TNR: variants seen among roughly 807,000 people sequenced by gnomAD.
TNR encodes the protein tenascin R.
TNR carries 45 observed loss-of-function variants against 150.4 expected under a neutral mutation model. The observed-to-expected ratio is 0.30, with a 90% confidence interval of 0.24 to 0.38. The LOEUF is 0.38. Among genes scored for constraint, TNR ranks in the 10% least tolerant of loss-of-function variants. The pLI is 1.00. For missense variants in TNR, 1,544 were observed against 1,759.1 expected, an observed-to-expected ratio of 0.88 and a Z score of 2.19; for synonymous variants, 687 against 678.4, an observed-to-expected ratio of 1.01 and a Z score of -0.20.
intron 2 of TNR, among the ~76,000 whole-genome samples, chr1:175,414,597 G>T (rs1571406456): frequency 6.6e-6 from 1 of 152,144 alleles, no homozygotes; most frequent in Non-Finnish European, 1.5e-5. Flanking sequence ...GGTGTCTCCG[G>T]GTAATTTGTA....
At chr1:175,535,005 T>C (rs1486784239) in intron 1 of TNR, among the ~76,000 whole-genome samples, 2 of 152,208 alleles carry the variant, frequency 1.3e-5, no homozygotes, top group East Asian at 1.9e-4. Flanking sequence ...CCTTCCACCA[T>C]GATTGTAAGT....
At chr1:175,372,541 C>T (rs147411508) in intron 9 of TNR, among the ~76,000 whole-genome samples, 318 of 152,302 alleles carry the variant, frequency 2.1e-3, no homozygotes, top group Non-Finnish European at 3.6e-3. Context: ...TTAATTAGGG[C>T]TAGAAAGGAA....
In TNR at chr1:175,677,237, A is replaced by T. The variant is rs184525112; in HGVS notation, c.-165+65989T>A. 1.4e-3 allele frequency among the ~76,000 whole-genome samples: 216 copies of T among 152,288 alleles called. 1 individual carries two copies. Among genetic ancestry groups the T allele is most frequent in the African/African-American group, 5.0e-3 (208 of 41,534 alleles). ...GCAAAACTGAGGGGAGTATGTCAAT[A>T]GTTGTAACCAGAGTGCATTCAGTGA... On this transcript the variant is annotated intron_variant, in intron 1 of 22. Transcript: ENST00000367674.
chr1:175,428,717 C>A (rs191741957), intron 2 of TNR, among the ~76,000 whole-genome samples: 1 of 152,262 alleles, frequency 6.6e-6, no homozygotes, highest in African/African-American at 2.4e-5. Flanking sequence ...GACTCAAATA[C>A]AAATCTCTTT....
chr1:175,331,676 T>A (rs1284382182), intron 20 of TNR, among the ~76,000 whole-genome samples: 1 of 152,236 alleles, frequency 6.6e-6, no homozygotes, highest in Non-Finnish European at 1.5e-5. Flanking sequence ...GTGTTGCTGG[T>A]AATTTCTCTG....
chr1:175,402,035 C>A (rs1466128090), intron 4 of TNR, among the ~76,000 whole-genome samples: 2 of 152,198 alleles, frequency 1.3e-5, no homozygotes, highest in African/African-American at 4.8e-5. Context: ...AGGCCGGGCG[C>A]GGTGGCTCAC....
At chr1:175,653,194 A>G in intron 1 of TNR, among the ~76,000 whole-genome samples, 1 of 152,222 alleles carries the variant, frequency 6.6e-6, no homozygotes, top group East Asian at 1.9e-4. Flanking sequence ...ATACAAATCT[A>G]TGAGGGCATT....
chr1:175,742,994 A>ACACACC (rs1491394442), intron 1 of TNR, among the ~76,000 whole-genome samples: 38 of 138,338 alleles, frequency 2.7e-4, no homozygotes, highest in East Asian at 8.7e-4. Flanking sequence ...ACACACACAC[A>ACACACC]CCCGCAAGGC....
intron 1 of TNR, among the ~76,000 whole-genome samples, chr1:175,731,842 C>T (rs1667648654): frequency 6.6e-6 from 1 of 152,222 alleles, no homozygotes; most frequent in South Asian, 2.1e-4. Flanking sequence ...TAGCTTCTAA[C>T]CCAGCCTGCA....
chr1:175,582,600 C>T (rs1662397992), intron 1 of TNR, among the ~76,000 whole-genome samples: 1 of 152,184 alleles, frequency 6.6e-6, no homozygotes, highest in South Asian at 2.1e-4. Flanking sequence ...TGGTGGAGAA[C>T]TCCACATAGT....
At chr1:175,325,819 G>A (rs1391339061) in intron 21 of TNR, among the ~76,000 whole-genome samples, 3 of 151,228 alleles carry the variant, frequency 2.0e-5, no homozygotes, top group African/African-American at 7.3e-5. Context: ...ATTGAACAAT[G>A]AGAACACGTG....
intron 7 of TNR, among the ~76,000 whole-genome samples, chr1:175,386,715 C>T (rs570410514): frequency 6.6e-6 from 1 of 152,132 alleles, no homozygotes; most frequent in South Asian, 2.1e-4. Context: ...TAGGAAATGA[C>T]CAGCCCACCT....
chr1:175,707,447 C>A (rs372983452), intron 1 of TNR, among the ~76,000 whole-genome samples: 1 of 152,086 alleles, frequency 6.6e-6, no homozygotes, highest in Admixed American at 6.5e-5. Context: ...AAAACAAAAT[C>A]AAAAATCCAT....
rs58714689 is a variant in TNR, at chr1:175,553,817, A to AACACACACACACACAC, written c.-164-25464_-164-25449dup. ...TCATACATATGCATATACAAGAACA[A>AACACACACACACACAC]ACACACACACACACACACACACACA... On this transcript the variant is annotated intron_variant, in intron 1 of 22. Coordinates refer to ENST00000367674, the MANE Select transcript of TNR (RefSeq NM_003285.3). Among the ~76,000 whole-genome samples, 1,090 of 145,464 alleles carry AACACACACACACACAC rather than the reference A, an allele frequency of 7.5e-3. 7 individuals carry two copies. Among genetic ancestry groups the AACACACACACACACAC allele is most frequent in the South Asian group, 0.022 (99 of 4,472 alleles).
chr1:175,737,173 G>A (rs935878213), intron 1 of TNR, among the ~76,000 whole-genome samples: 1 of 152,180 alleles, frequency 6.6e-6, no homozygotes, highest in South Asian at 2.1e-4. Context: ...AACCCCTCAA[G>A]AGCTTGGTTT....
chr1:175,618,346 C>G (rs1295205267), intron 1 of TNR, among the ~76,000 whole-genome samples: 2 of 152,174 alleles, frequency 1.3e-5, no homozygotes, highest in African/African-American at 4.8e-5. Context: ...TTAGAGCCCA[C>G]CTCCTATTCA....
At chr1:175,462,685 G>A (rs535016603) in intron 2 of TNR, among the ~76,000 whole-genome samples, 2 of 152,350 alleles carry the variant, frequency 1.3e-5, no homozygotes, top group Non-Finnish European at 2.9e-5. Context: ...TGATGATTAA[G>A]TGTGGGAATG....
chr1:175,420,009 G>A (rs891447645), intron 2 of TNR, among the ~76,000 whole-genome samples: 7 of 152,200 alleles, frequency 4.6e-5, no homozygotes, highest in Non-Finnish European at 7.3e-5. Flanking sequence ...GTGGAGGAGA[G>A]TCAGGCCCTC....
At chr1:175,353,455 T>C (rs1319330231) in intron 18 of TNR, among the ~76,000 whole-genome samples, 3 of 152,228 alleles carry the variant, frequency 2.0e-5, no homozygotes, top group African/African-American at 7.2e-5. Context: ...AGCAGCGTTT[T>C]TCAAGTATCT....
Sources: allele counts gnomAD v4.1 joint callset (sites outside exome capture counted in the v4.1 genomes callset), GRCh38; gene constraint gnomAD v4.1.1; transcripts MANE v1.5; gene names NCBI Gene and HGNC (gene_info 2026-07-23, HGNC 2026-07-21).